ELOVL3: variants seen among roughly 807,000 people sequenced by gnomAD.
ELOVL3 encodes the protein very long chain fatty acid elongase 3.
ELOVL3 carries 11 observed loss-of-function variants against 14.9 expected under a neutral mutation model. The observed-to-expected ratio is 0.74, with a 90% CI of 0.46 to 1.22. The LOEUF (loss-of-function observed/expected upper bound fraction) is 1.22, where lower values mean the gene tolerates loss of function less well. Among genes scored for constraint, ELOVL3 ranks in the 50% most tolerant of loss-of-function variants. The pLI is 0.00. For missense variants in ELOVL3, 277 were observed against 338.9 expected (o/e 0.82, Z 1.43); for synonymous variants, 117 against 124.7 (o/e 0.94, Z 0.41).
chr10:102,226,362 G>T lies in ELOVL3; in HGVS notation c.-187G>T. ...GCAAGTCCGCGTTATATATCGCAGT[G>T]GCTGCGCCCGGGATAGCTGGCTGCG... is the stretch of plus-strand genomic sequence containing the variant. On this transcript the variant is annotated 5_prime_UTR_variant, in exon 1 of 4. Transcript: ENST00000370005. 1.8e-6 allele frequency: 1 copy of T among 568,478 alleles called. No homozygotes were observed. 35.2% of individuals were successfully genotyped at this position (568,478 alleles called of 1,614,324 possible).
chr10:102,228,624 G>A, intron 3 of ELOVL3, 56 bp downstream of exon 3: 2 of 1,595,462 alleles, frequency 1.3e-6, no homozygotes, highest in Admixed American at 1.7e-5. Context: ...CTTCCTCAGG[G>A]CCCTCCCTTC....
chr10:102,228,293 C>G, intron 2 of ELOVL3, 124 bp from the exon 3 acceptor site: 1 of 1,001,206 alleles, frequency 1.0e-6, no homozygotes, highest in Non-Finnish European at 1.5e-6. Context: ...CTTTGACCCA[C>G]CCCCTGTGGA....
At position 102,227,501 on chromosome 10, in the gene ELOVL3, T is replaced by A. The variant is rs7906477; in HGVS notation, c.102-125T>A. The A allele has an allele frequency of 0.013, 14,253 of 1,119,188 alleles. 1,203 individuals are homozygous for A. The African/African-American group carries it at 0.19, about 15-fold the overall frequency. 69.3% of individuals were successfully genotyped at this position (1,119,188 alleles called of 1,614,324 possible). On this transcript the variant is annotated intron_variant, in intron 1 of 3. Coordinates refer to ENST00000370005, the MANE Select transcript of ELOVL3 (RefSeq NM_152310.3). ...CAGAGAATTAAGTTGGTTTTTCCAA[T>A]GTCACATAGCTAGTAAGTGGCAGAA...
chr10:102,228,384 A>C (rs2070157368), intron 2 of ELOVL3, 33 bp from the exon 3 acceptor site: 1 of 1,602,608 alleles, frequency 6.2e-7, no homozygotes, highest in South Asian at 1.1e-5. Context: ...CCTGGGGATG[A>C]CACTTACACC....
At chr10:102,225,040 A>G (rs1203546579), upstream of ELOVL3, among the ~76,000 whole-genome samples, 1 of 152,228 alleles carries the variant, frequency 6.6e-6, no homozygotes, top group Non-Finnish European at 1.5e-5. Flanking sequence ...TTTTCCAAGT[A>G]CAGTCTGAGA....
At position 102,229,348 on chromosome 10, in the gene ELOVL3, T is replaced by G. The variant is rs1439948981; in HGVS notation, c.*96T>G. ...GGGAGAATGATTAGGTTGCCTTACC[T>G]GCATGGTTTCCCCAGAGGATGTGTG... On this transcript the variant is annotated 3_prime_UTR_variant, in exon 4 of 4. Coordinates refer to ENST00000370005, the MANE Select transcript of ELOVL3 (RefSeq NM_152310.3). 1 of 1,240,060 alleles carries G rather than the reference T, an allele frequency of 8.1e-7. No homozygotes were observed. The highest frequency in any genetic ancestry group is 1.1e-6 in the Non-Finnish European group (1 of 905,026). 76.8% of individuals were successfully genotyped at this position (1,240,060 alleles called of 1,614,324 possible). A position where few individuals can be genotyped will look rare whatever the true frequency, so the allele number is the denominator to read the frequency against.
Position 102,226,480 on chromosome 10 carries a change from G to T in ELOVL3, c.-69G>T. On this transcript the variant is annotated 5_prime_UTR_variant, in exon 1 of 4. Coordinates refer to ENST00000370005, the MANE Select transcript of ELOVL3 (RefSeq NM_152310.3). ...TGTTCCGTCTCGCCCCGAGGTTCAC[G>T]CCATCCTCGGAGCCCCAGCCTTTCA... 1 of 1,134,940 alleles carries T rather than the reference G, an allele frequency of 8.8e-7. No homozygotes were observed. Among genetic ancestry groups the T allele is most frequent in the Non-Finnish European group, 1.3e-6 (1 of 752,196 alleles). 70.3% of individuals were successfully genotyped at this position (1,134,940 alleles called of 1,614,324 possible). A position where few individuals can be genotyped will look rare whatever the true frequency, so the allele number is the denominator to read the frequency against.
In ELOVL3 at chr10:102,228,530, G is replaced by A. The variant is rs781016541; in HGVS notation, c.347G>A (p.Trp116Ter). The change falls in exon 3 of 4, where the codon TGG becomes TAG. Residue 116 changes from tryptophan to a stop codon, truncating the protein, a stop_gained. Coordinates refer to ENST00000370005, the MANE Select transcript of ELOVL3 (RefSeq NM_152310.3). LOFTEE classifies it low-confidence loss of function (END_TRUNC). Reference protein sequence around the residue: ...NFIDNSTVKFWSWVFLLSKVI... With the variant: ...NFIDNSTVKF ...ATCGATAATTCCACAGTCAAATTCT[G>A]GTCCTGGGTCTTTCTTCTCAGCAAG... 5 of 1,613,980 alleles carry A rather than the reference G, an allele frequency of 3.1e-6. No homozygotes were observed. Among genetic ancestry groups the A allele is most frequent in the Non-Finnish European group, 4.2e-6 (5 of 1,180,016 alleles).
chr10:102,225,206 G>A (rs2070127770), upstream of ELOVL3, among the ~76,000 whole-genome samples: 1 of 152,184 alleles, frequency 6.6e-6, no homozygotes, highest in Non-Finnish European at 1.5e-5. Flanking sequence ...GGTGAGAAGT[G>A]ATGAGGTACA....
upstream of ELOVL3, chr10:102,226,228 A>G (rs2070133841): frequency 7.7e-6 from 2 of 260,042 alleles, no homozygotes; most frequent in African/African-American, 2.3e-5. Context: ...AGTATGACCA[A>G]TCAGAATGCG....
At chr10:102,228,293 C>A in intron 2 of ELOVL3, 124 bp from the exon 3 acceptor site, 1 of 1,001,204 alleles carries the variant, frequency 1.0e-6, no homozygotes, top group Non-Finnish European at 1.5e-6. Context: ...CTTTGACCCA[C>A]CCCCTGTGGA....
Position 102,228,456 on chromosome 10 carries a change from T to G in ELOVL3, c.273T>G (p.Thr91=). 6.2e-7 allele frequency: 1 copy of G among 1,614,192 alleles called. No homozygotes were observed. Among genetic ancestry groups the G allele is most frequent in the South Asian group, 1.1e-5 (1 of 91,086 alleles). Residue 91 remains threonine (T), a synonymous_variant, in exon 3 of 4, where the codon ACT becomes ACG. Transcript: ENST00000370005. ...GAVRMWGIMG[T]VLLTGGLKQT... ...TGAGGATGTGGGGCATTATGGGGACTGTGCTACTTACCGGGGGCCTAAAGC... is the reference window on the plus strand; with the variant it reads ...TGAGGATGTGGGGCATTATGGGGACGGTGCTACTTACCGGGGGCCTAAAGC...
intron 1 of ELOVL3, among the ~76,000 whole-genome samples, chr10:102,226,956 C>T (rs1329033338): frequency 1.3e-5 from 2 of 151,914 alleles, no homozygotes; most frequent in Non-Finnish European, 2.9e-5. Context: ...AGATGACTTC[C>T]CCGTCCTTTG....
At chr10:102,226,695 G>A (rs748534478) in intron 1 of ELOVL3, 46 bp downstream of exon 1, 12 of 1,345,112 alleles carry the variant, frequency 8.9e-6, no homozygotes, top group Admixed American at 1.8e-5. Context: ...CCCCGGGGCC[G>A]GGGCGCGAGG....
chr10:102,228,576 G>A lies in ELOVL3; in HGVS notation c.385+8G>A. Reference sequence around the variant, plus strand: ...GCAAGGTCATAGAACTCGGTGAGTGGCAAAGCTTTGTCTTTCTGGTGCCTT... The same window carrying A: ...GCAAGGTCATAGAACTCGGTGAGTGACAAAGCTTTGTCTTTCTGGTGCCTT... On this transcript the variant is annotated splice_region_variant and intron_variant, in intron 3 of 3. Transcript: ENST00000370005. The A allele has an allele frequency of 6.8e-6, 11 of 1,613,618 alleles. No individual in the cohort carries two copies. Among genetic ancestry groups the A allele is most frequent in the Non-Finnish European group, 9.3e-6 (11 of 1,179,726 alleles).
At chr10:102,228,048 C>T (rs2070153194) in intron 2 of ELOVL3, among the ~76,000 whole-genome samples, 2 of 152,110 alleles carry the variant, frequency 1.3e-5, no homozygotes, top group African/African-American at 4.8e-5. Context: ...GTGTCACCTC[C>T]TAACACCCTC....
upstream of ELOVL3, among the ~76,000 whole-genome samples, chr10:102,224,939 A>T (rs190865866): frequency 4.9e-4 from 75 of 152,232 alleles, no homozygotes; most frequent in African/African-American, 1.4e-3. Flanking sequence ...CTGGGATTAC[A>T]GGCGTGAACC....
chr10:102,229,175 T>TATTTCATCC lies in ELOVL3; in HGVS notation c.737_745dup (p.Ile248_Leu249insHisPheIle). On this transcript the variant is annotated inframe_insertion, in exon 4 of 4. Transcript: ENST00000370005. The stretch of plus-strand genomic sequence containing the variant: ...CTGGTCCTTCATCTTGTATATGACC[T>TATTTCATCC]ATTTCATCCTCTTTGCCCACTTCTT... 1 of 1,614,072 alleles carries TATTTCATCC rather than the reference T, an allele frequency of 6.2e-7. No homozygotes were observed. Among genetic ancestry groups the TATTTCATCC allele is most frequent in the Non-Finnish European group, 8.5e-7 (1 of 1,180,028 alleles).
At chr10:102,226,852 A>G (rs2070140086) in intron 1 of ELOVL3, among the ~76,000 whole-genome samples, 1 of 151,984 alleles carries the variant, frequency 6.6e-6, no homozygotes, top group Admixed American at 6.6e-5. Flanking sequence ...AGCAGAAATA[A>G]GAGGATGAGG....
Sources: allele counts gnomAD v4.1 joint callset (sites outside exome capture counted in the v4.1 genomes callset), GRCh38; gene constraint gnomAD v4.1.1; transcripts MANE v1.5; gene names NCBI Gene and HGNC (gene_info 2026-07-23, HGNC 2026-07-21).